The following CNTN4 variants were observed in gnomAD, a reference collection of about 807,000 sequenced individuals.
CNTN4 encodes the protein contactin-4.
In CNTN4, 77 loss-of-function variants were observed where a neutral mutation model predicts 122.5. The observed-to-expected ratio is 0.63, with a 90% CI of 0.52 to 0.76. The LOEUF (loss-of-function observed/expected upper bound fraction) is 0.76, where lower values mean the gene tolerates loss of function less well. Ranked by LOEUF, CNTN4 falls within the 30% of genes least tolerant of loss-of-function variation. The probability of loss-of-function intolerance (pLI) is 0.00; values close to 1 mark genes in which losing one functional copy is unlikely to be tolerated. For synonymous variants in CNTN4, 512 were observed against 447.0 expected, an observed-to-expected ratio of 1.15 and a Z score of -1.83; for missense variants, 1,256 against 1,259.1, an observed-to-expected ratio of 1.00 and a Z score of 0.04.
At chr3:2,360,433 CGTATTT>C (rs955844320) in intron 3 of CNTN4, among the ~76,000 whole-genome samples, 34 of 151,952 alleles carry the variant, frequency 2.2e-4, no homozygotes, top group African/African-American at 7.7e-4. Flanking sequence ...TAATTTTGTC[CGTATTT>C]CAGTCTTCTA....
At chr3:2,536,028 T>C (rs1265934788) in intron 3 of CNTN4, among the ~76,000 whole-genome samples, 1 of 152,162 alleles carries the variant, frequency 6.6e-6, no homozygotes, top group Non-Finnish European at 1.5e-5. Context: ...AGATTTTCTG[T>C]GTCACAAAGA....
intron 8 of CNTN4, among the ~76,000 whole-genome samples, chr3:2,871,607 A>G (rs904319957): frequency 6.6e-6 from 1 of 152,106 alleles, no homozygotes; most frequent in African/African-American, 2.4e-5. Context: ...GAGATCATGC[A>G]ATTTTATATC....
At position 2,300,011 on chromosome 3, in the gene CNTN4, G is replaced by T. The variant is rs747809698; in HGVS notation, c.-144-39167G>T. Reference sequence around the variant, plus strand: ...GACTACTTGAAATAAATCAGAGAAGGTAAGTCCCATAACAGCTTATGATCT... The same window carrying T: ...GACTACTTGAAATAAATCAGAGAAGTTAAGTCCCATAACAGCTTATGATCT... On this transcript the variant is annotated intron_variant, in intron 2 of 24. Transcript: ENST00000418658. 1.6e-4 allele frequency among the ~76,000 whole-genome samples: 24 copies of T among 152,196 alleles called. 1 individual carries two copies. The highest frequency in any genetic ancestry group is 4.8e-4 in the African/African-American group (20 of 41,536).
At position 2,556,126 on chromosome 3, in the gene CNTN4, T is replaced by A. The variant is rs138494316; in HGVS notation, c.-88-15290T>A. ...TCATAAAAAGGGAATAATTTTAGACTTTTTTTAAAAACTTGAAAGGAGGCT... is the reference window on the plus strand; with the variant it reads ...TCATAAAAAGGGAATAATTTTAGACATTTTTTAAAAACTTGAAAGGAGGCT... On this transcript the variant is annotated intron_variant, in intron 3 of 24. Coordinates refer to ENST00000418658, the MANE Select transcript of CNTN4 (RefSeq NM_175607.3). 3.2e-3 allele frequency among the ~76,000 whole-genome samples: 483 copies of A among 152,322 alleles called. 3 individuals carry two copies. Among genetic ancestry groups the A allele is most frequent in the African/African-American group, 0.011 (455 of 41,574 alleles).
At chr3:2,917,267 G>A (rs952917170) in intron 12 of CNTN4, among the ~76,000 whole-genome samples, 1 of 151,910 alleles carries the variant, frequency 6.6e-6, no homozygotes, top group Admixed American at 6.6e-5. Flanking sequence ...TCCAGCTTCG[G>A]CATCAGAGGG....
chr3:2,694,478 C>T (rs757855788), intron 4 of CNTN4, among the ~76,000 whole-genome samples: 4 of 152,080 alleles, frequency 2.6e-5, no homozygotes, highest in South Asian at 2.1e-4. Flanking sequence ...TGCGGTGGCT[C>T]GCACCTGTAA....
intron 4 of CNTN4, among the ~76,000 whole-genome samples, chr3:2,670,360 C>G (rs2150368352): frequency 6.6e-6 from 1 of 152,172 alleles, no homozygotes; most frequent in South Asian, 2.1e-4. Context: ...CCTTCTTTGT[C>G]TCTTTTGATC....
intron 3 of CNTN4, among the ~76,000 whole-genome samples, chr3:2,439,772 T>C (rs2048371086): frequency 6.6e-6 from 1 of 152,114 alleles, no homozygotes; most frequent in Admixed American, 6.6e-5. Context: ...AGACAAACAT[T>C]GAAGCAGTTG....
chr3:3,016,507 C>G (rs892070210), intron 14 of CNTN4, among the ~76,000 whole-genome samples: 1 of 152,146 alleles, frequency 6.6e-6, no homozygotes, highest in African/African-American at 2.4e-5. Context: ...AAAATAAAAA[C>G]AAACAAGTTG....
At chr3:2,175,835 C>A (rs1404764768) in intron 2 of CNTN4, among the ~76,000 whole-genome samples, 1 of 152,078 alleles carries the variant, frequency 6.6e-6, no homozygotes, top group African/African-American at 2.4e-5. Context: ...AGCTAAAAGG[C>A]AGAGAGAGGG....
chr3:2,107,313 A>G lies in CNTN4; in HGVS notation c.-145+6674A>G, dbSNP rs567278393. Among the ~76,000 whole-genome samples the G allele has an allele frequency of 7.9e-5, 12 of 152,326 alleles. No homozygotes were observed. The South Asian group carries it at 2.5e-3, about 32-fold the overall frequency. On this transcript the variant is annotated intron_variant, in intron 2 of 24. Transcript: ENST00000418658. ...AGAACTACCCAAGACTGGGTGATTT[A>G]TAAAGGAGAGAGGTTTAATGGACTC...
intron 4 of CNTN4, among the ~76,000 whole-genome samples, chr3:2,660,756 G>A (rs1326215308): frequency 6.6e-6 from 1 of 152,204 alleles, no homozygotes; most frequent in African/African-American, 2.4e-5. Context: ...GAACACACAG[G>A]AATGCTTTTT....
At chr3:2,294,519 T>C (rs780878463) in intron 2 of CNTN4, among the ~76,000 whole-genome samples, 30 of 152,060 alleles carry the variant, frequency 2.0e-4, no homozygotes, top group Non-Finnish European at 4.0e-4. Context: ...TAATCCAAGC[T>C]ACTCGACAGG....
intron 4 of CNTN4, among the ~76,000 whole-genome samples, chr3:2,678,303 G>T (rs199871202): frequency 1.3e-5 from 2 of 151,994 alleles, no homozygotes; most frequent in Non-Finnish European, 2.9e-5. Flanking sequence ...CAGCCCTGTC[G>T]TAAAAAAATT....
At chr3:2,415,007 A>G (rs1207702258) in intron 3 of CNTN4, among the ~76,000 whole-genome samples, 1 of 152,214 alleles carries the variant, frequency 6.6e-6, no homozygotes, top group Non-Finnish European at 1.5e-5. Context: ...CATGTAAATC[A>G]TTATTTCCAA....
At chr3:2,974,992 GC>G (rs927424439) in intron 13 of CNTN4, among the ~76,000 whole-genome samples, 23 of 151,864 alleles carry the variant, frequency 1.5e-4, no homozygotes, top group African/African-American at 4.4e-4. Context: ...TGTATAGTGG[GC>G]CCCCCTTTCT....
intron 2 of CNTN4, among the ~76,000 whole-genome samples, chr3:2,177,783 A>C (rs1227321258): frequency 6.6e-6 from 1 of 151,934 alleles, no homozygotes; most frequent in Non-Finnish European, 1.5e-5. Context: ...TCCTTTACTT[A>C]AGCTGAATTG....
chr3:2,644,566 T>G (rs2083036286), intron 4 of CNTN4, among the ~76,000 whole-genome samples: 1 of 151,686 alleles, frequency 6.6e-6, no homozygotes, highest in African/African-American at 2.4e-5. Flanking sequence ...TTATCCTTCC[T>G]TTTTTCTGCA....
chr3:2,981,784 C>T (rs1277831756), intron 13 of CNTN4, among the ~76,000 whole-genome samples: 1 of 152,144 alleles, frequency 6.6e-6, no homozygotes. Context: ...GTGGCTCACT[C>T]CTGGCATCTG....
Sources: gnomAD v4.1 joint callset for allele counts (sites outside exome capture counted in the v4.1 genomes callset) on GRCh38, gnomAD v4.1.1 for gene constraint, MANE v1.5 for transcripts, NCBI Gene and HGNC (gene_info 2026-07-23, HGNC 2026-07-21) for gene names.